The following SBF2 variants were observed in gnomAD, a reference collection of about 807,000 sequenced individuals.
SBF2 encodes SET binding factor 2, also known as myotubularin-related protein 13.
Under a neutral mutation model 225.2 loss-of-function variants are expected in SBF2, and 112 were observed. The observed-to-expected ratio is 0.50, with a 90% CI of 0.43 to 0.58. The LOEUF (loss-of-function observed/expected upper bound fraction) is 0.58. SBF2 is among the 20% of genes least tolerant of loss of function. The pLI, the probability that SBF2 is intolerant of heterozygous loss-of-function variation, is 0.00. For missense variants in SBF2, 1,996 were observed against 2,206.2 expected (o/e 0.90, Z 1.91); for synonymous variants, 763 against 773.3 (o/e 0.99, Z 0.22).
chr11:10,242,935 A>C (rs1267328642), intron 1 of SBF2, among the ~76,000 whole-genome samples: 1 of 152,188 alleles, frequency 6.6e-6, no homozygotes, highest in African/African-American at 2.4e-5. Context: ...TCCAGACAGA[A>C]GATCAAAAGA....
chr11:10,042,901 G>A lies in SBF2; in HGVS notation c.222C>T (p.Asp74=). The A allele has an allele frequency of 3.1e-6, 5 of 1,613,954 alleles. No individual in the cohort carries two copies. The highest frequency in any genetic ancestry group is 4.2e-6 in the Non-Finnish European group (5 of 1,179,886). Reference sequence around the variant, plus strand: ...GGCATGAGCAGTAATGTCGATCTGAGTCAATGTCTGTCAGGACAACCACAA... The same window carrying A: ...GGCATGAGCAGTAATGTCGATCTGAATCAATGTCTGTCAGGACAACCACAA... ...TFFVVVLTDI[D]SDRHYCSCLT... is the part of the protein sequence containing the mutation. Residue 74 remains aspartate, a synonymous_variant, in exon 3 of 40, where the codon GAC becomes GAT. Transcript: ENST00000256190.
chr11:10,276,774 C>A (rs1962986787), intron 1 of SBF2, among the ~76,000 whole-genome samples: 1 of 152,048 alleles, frequency 6.6e-6, no homozygotes, highest in Non-Finnish European at 1.5e-5. Context: ...ATCTGATAGT[C>A]TCTGCTTGTA....
At chr11:9,914,339 C>T (rs10840325) in intron 16 of SBF2, among the ~76,000 whole-genome samples, 31,169 of 152,062 alleles carry the variant, frequency 0.2, 4,101 homozygotes, top group Non-Finnish European at 0.3. Context: ...AGTGGTAGAC[C>T]GGTCATGGCT....
chr11:9,863,924 T>C (rs576208651), intron 17 of SBF2, among the ~76,000 whole-genome samples: 10 of 152,208 alleles, frequency 6.6e-5, no homozygotes, highest in African/African-American at 1.7e-4. Context: ...ATAAGTTATA[T>C]TGCAGGTTTT....
chr11:9,917,537 GC>G (rs1285572054), intron 16 of SBF2, among the ~76,000 whole-genome samples: 1 of 151,448 alleles, frequency 6.6e-6, no homozygotes, highest in Non-Finnish European at 1.5e-5. Flanking sequence ...TCACCATGTT[GC>G]CCAGGCTGGT....
Position 10,196,613 on chromosome 11 carries a change from A to G in SBF2, c.56-2626T>C, listed in dbSNP as rs571713649. Among the ~76,000 whole-genome samples the G allele has an allele frequency of 5.3e-5, 8 of 151,882 alleles. No homozygotes were observed. The East Asian group carries it at 1.5e-3, about 29-fold the overall frequency. On this transcript the variant is annotated intron_variant, in intron 1 of 39. Coordinates refer to ENST00000256190, the MANE Select transcript of SBF2 (RefSeq NM_030962.4). ...AAGTTGGTCTTGAACTTCTGGACTC[A>G]AGCAATCCACCCGCCTCAGCCTCCC... is the stretch of plus-strand genomic sequence containing the variant.
At chr11:9,951,291 G>T (rs993806979) in intron 16 of SBF2, among the ~76,000 whole-genome samples, 1 of 152,146 alleles carries the variant, frequency 6.6e-6, no homozygotes, top group Admixed American at 6.5e-5. Flanking sequence ...TGAAGGCAAA[G>T]GATTTTAAAT....
intron 23 of SBF2, among the ~76,000 whole-genome samples, chr11:9,846,735 T>C (rs1856575341): frequency 6.6e-6 from 1 of 152,210 alleles, no homozygotes; most frequent in Non-Finnish European, 1.5e-5. Flanking sequence ...TCACTCATTA[T>C]TGAGTATCTG....
intron 35 of SBF2, among the ~76,000 whole-genome samples, chr11:9,788,588 ACTTT>A (rs770020641): frequency 0.025 from 2,412 of 97,702 alleles, 24 homozygotes; most frequent in South Asian, 0.049. Context: ...CTGGAAAATC[ACTTT>A]TTTTTTTTTT....
chr11:10,295,337 T>C (rs909110926), upstream of SBF2, among the ~76,000 whole-genome samples: 4 of 152,228 alleles, frequency 2.6e-5, no homozygotes, highest in Non-Finnish European at 5.9e-5. Context: ...GAAGCCGCAA[T>C]GGCTCCAACT....
intron 2 of SBF2, among the ~76,000 whole-genome samples, chr11:10,063,858 C>CACACACAGAGAGAGAGAGAGAG (rs373423157): frequency 2.6e-4 from 36 of 136,236 alleles, no homozygotes; most frequent in East Asian, 1.8e-3. Context: ...CACACACACA[C>CACACACAGAGAGAGAGAGAGAG]AGAGAGAGAG....
chr11:9,926,199 C>T (rs570735649), intron 16 of SBF2, among the ~76,000 whole-genome samples: 88 of 152,252 alleles, frequency 5.8e-4, no homozygotes, highest in African/African-American at 2.1e-3. Context: ...CATTTCTACA[C>T]TGCATAAGTA....
intron 16 of SBF2, among the ~76,000 whole-genome samples, chr11:9,924,507 C>G (rs1432654721): frequency 6.6e-6 from 1 of 152,056 alleles, no homozygotes; most frequent in Non-Finnish European, 1.5e-5. Flanking sequence ...TCTCCGCTCA[C>G]GGCAACCTCT....
Position 9,787,667 on chromosome 11 carries a change from G to A in SBF2, c.5004C>T (p.Thr1668=), listed in dbSNP as rs150598413. The part of the protein sequence containing the change: ...EKWQQLWERV[T]VDLKEEPRTD... ...TTCTTGGTTCTTCTTTAAGGTCCAC[G>A]GTTACCCTTTCCCACAGCTGCTGCC... The change falls in exon 36 of 40, where the codon ACC becomes ACT. Residue 1668 remains threonine (T), a synonymous_variant. Transcript: ENST00000256190. 105 of 1,614,050 alleles carry A rather than the reference G, an allele frequency of 6.5e-5. No homozygotes were observed. Among genetic ancestry groups the A allele is most frequent in the Non-Finnish European group, 8.1e-5 (95 of 1,180,026 alleles).
At chr11:10,006,948 T>C (rs750003053) in intron 6 of SBF2, among the ~76,000 whole-genome samples, 19 of 152,162 alleles carry the variant, frequency 1.2e-4, no homozygotes, top group East Asian at 7.7e-4. Flanking sequence ...TGGAAGGTCA[T>C]GGAGGCAAGA....
rs540674292 is a variant in SBF2, at chr11:10,065,309, T to C, written c.142-22328A>G. 2.0e-5 allele frequency among the ~76,000 whole-genome samples: 3 copies of C among 152,246 alleles called. No individual in the cohort carries two copies. The East Asian group carries it at 5.8e-4, about 29-fold the overall frequency. ...TTATAGCACTAAACACTTAAAATGTTATAGAAAGCTTCAATCGATGAACTC... is the reference window on the plus strand; with the variant it reads ...TTATAGCACTAAACACTTAAAATGTCATAGAAAGCTTCAATCGATGAACTC... On this transcript the variant is annotated intron_variant, in intron 2 of 39. Coordinates refer to ENST00000256190, the MANE Select transcript of SBF2 (RefSeq NM_030962.4).
intron 2 of SBF2, among the ~76,000 whole-genome samples, chr11:10,095,600 A>C (rs1951982567): frequency 6.6e-6 from 1 of 152,200 alleles, no homozygotes; most frequent in South Asian, 2.1e-4. Context: ...TAGAGTAAGA[A>C]AATCAAAGCA....
intron 2 of SBF2, among the ~76,000 whole-genome samples, chr11:10,066,039 G>A (rs1950613278): frequency 6.6e-6 from 1 of 151,916 alleles, no homozygotes. Flanking sequence ...ATCCATTGAA[G>A]AAAATAAAAC....
At chr11:10,142,822 T>C (rs750400301) in intron 2 of SBF2, among the ~76,000 whole-genome samples, 4 of 152,248 alleles carry the variant, frequency 2.6e-5, no homozygotes, top group Non-Finnish European at 5.9e-5. Context: ...CTATTTCACT[T>C]CTGTTTGAGG....
Sources: gnomAD v4.1 joint callset for allele counts (sites outside exome capture counted in the v4.1 genomes callset) on GRCh38, gnomAD v4.1.1 for gene constraint, MANE v1.5 for transcripts, NCBI Gene and HGNC (gene_info 2026-07-23, HGNC 2026-07-21) for gene names.